GSG1L: variants seen among roughly 807,000 people sequenced by gnomAD.
GSG1L encodes GSG1 like.
In GSG1L, 24 loss-of-function variants were observed where a neutral mutation model predicts 42.1. That is an observed-to-expected ratio of 0.57 (90% CI 0.41 to 0.80). GSG1L has a LOEUF of 0.80. Among genes scored for constraint, GSG1L ranks in the 30% least tolerant of loss-of-function variants. The pLI is 0.00. For synonymous variants in GSG1L, 215 were observed against 203.5 expected, an observed-to-expected ratio of 1.06 and a Z score of -0.48; for missense variants, 445 against 472.2, an observed-to-expected ratio of 0.94 and a Z score of 0.53.
At chr16:27,998,232 T>A (rs994775446) in intron 1 of GSG1L, 15 of 152,308 alleles carry the variant, frequency 9.8e-5, no homozygotes, top group Admixed American at 7.2e-4. Flanking sequence ...TAGCTCCCAT[T>A]TATAAGTAAG....
intron 2 of GSG1L, among the ~76,000 whole-genome samples, chr16:27,946,606 AGAGAGAGAGAGAGAGAGAGAGAG>A (rs2084867919): frequency 3.6e-4 from 2 of 5,492 alleles, no homozygotes; most frequent in African/African-American, 1.7e-3. Flanking sequence ...AGAGAGAGAG[AGAGAGAGAGAGAGAGAGAGAGAG>A]AGAAAGAAAG....
chr16:27,904,218 T>C (rs2084293911), intron 2 of GSG1L, among the ~76,000 whole-genome samples: 1 of 151,510 alleles, frequency 6.6e-6, no homozygotes, highest in Non-Finnish European at 1.5e-5. Context: ...CACAGGCACA[T>C]ACCACCATGC....
intron 5 of GSG1L, among the ~76,000 whole-genome samples, 166 bp downstream of exon 5, chr16:27,828,623 T>A (rs1402077250): frequency 6.6e-6 from 1 of 152,196 alleles, no homozygotes. Context: ...TCCCAGAAAT[T>A]CTGACATAGT....
intron 2 of GSG1L, among the ~76,000 whole-genome samples, chr16:27,898,163 T>C (rs1203971797): frequency 6.6e-6 from 1 of 152,172 alleles, no homozygotes; most frequent in Non-Finnish European, 1.5e-5. Context: ...CTGTGAGATA[T>C]GTCACGGTGA....
intron 1 of GSG1L, among the ~76,000 whole-genome samples, chr16:28,046,914 T>C (rs2086167700): frequency 6.6e-6 from 1 of 152,188 alleles, no homozygotes; most frequent in African/African-American, 2.4e-5. Flanking sequence ...AGGGAAAAGT[T>C]TGCTTCTTTG....
chr16:27,963,234 G>A (rs2085091258), intron 1 of GSG1L, 31 bp from the exon 2 acceptor site: 1 of 1,607,510 alleles, frequency 6.2e-7, no homozygotes, highest in African/African-American at 1.3e-5. Context: ...TTTTCAGAAT[G>A]TGAGAGGACA....
chr16:27,897,348 G>A (rs192367398), intron 2 of GSG1L, among the ~76,000 whole-genome samples: 11 of 152,172 alleles, frequency 7.2e-5, no homozygotes, highest in Non-Finnish European at 1.5e-4. Flanking sequence ...ACCCAGGCTG[G>A]AGTGCAGTGG....
At position 27,946,616 on chromosome 16, in the gene GSG1L, AGAGAG is replaced by A. The variant is rs1567529958; in HGVS notation, c.397+16535_397+16539del. Among the ~76,000 whole-genome samples the A allele has an allele frequency of 2.3e-3, 41 of 17,992 alleles. 2 individuals are homozygous for A. The highest frequency in any genetic ancestry group is 7.8e-3 in the African/African-American group (40 of 5,116). 11.8% of individuals were successfully genotyped at this position (17,992 alleles called of 152,430 possible). On this transcript the variant is annotated intron_variant, in intron 2 of 6. Coordinates refer to ENST00000447459, the MANE Select transcript of GSG1L (RefSeq NM_001109763.2). Reference sequence around the variant, plus strand: ...GAGAGAGAGAGAGAGAGAGAGAGAGAGAGAGAGAGAGAGAGAAAGAAAGAAAGAAA... The same window carrying A: ...GAGAGAGAGAGAGAGAGAGAGAGAGAAGAGAGAGAGAAAGAAAGAAAGAAA...
intron 1 of GSG1L, among the ~76,000 whole-genome samples, chr16:27,963,646 G>A (rs1052884869): frequency 1.3e-5 from 2 of 152,168 alleles, no homozygotes. Flanking sequence ...CTTCCCAAAG[G>A]AGAAAGTTCA....
intron 3 of GSG1L, among the ~76,000 whole-genome samples, chr16:27,850,023 C>CTCTTT (rs757750717): frequency 1.4e-5 from 1 of 70,068 alleles, no homozygotes; most frequent in African/African-American, 6.5e-5. Context: ...TTTGAAATGC[C>CTCTTT]TTTTTTTTTT....
At chr16:27,971,855 A>C (rs2085197139) in intron 1 of GSG1L, among the ~76,000 whole-genome samples, 2 of 152,158 alleles carry the variant, frequency 1.3e-5, no homozygotes, top group South Asian at 4.1e-4. Context: ...TTTATCATGA[A>C]AGGATATTTG....
intron 2 of GSG1L, among the ~76,000 whole-genome samples, chr16:27,914,518 CTT>C (rs2141055890): frequency 6.8e-6 from 1 of 147,092 alleles, no homozygotes; most frequent in Non-Finnish European, 1.5e-5. Flanking sequence ...TTTCCTTTTT[CTT>C]TTCTTTTCTA....
intron 1 of GSG1L, among the ~76,000 whole-genome samples, chr16:27,980,355 A>G (rs1346608392): frequency 4.6e-5 from 7 of 152,172 alleles, no homozygotes; most frequent in Non-Finnish European, 8.8e-5. Context: ...ATACCCCACC[A>G]GATGGTGTTG....
At chr16:28,006,300 T>TTTAC in intron 1 of GSG1L, among the ~76,000 whole-genome samples, 1 of 95,524 alleles carries the variant, frequency 1.0e-5, no homozygotes, top group Non-Finnish European at 2.2e-5. Flanking sequence ...TTGTATTTTA[T>TTTAC]TTATTTATTT....
intron 1 of GSG1L, among the ~76,000 whole-genome samples, chr16:27,976,865 C>T (rs933233311): frequency 1.3e-5 from 2 of 152,208 alleles, no homozygotes; most frequent in African/African-American, 4.8e-5. Flanking sequence ...GTCTTGTTCA[C>T]CAACCACTCG....
intron 1 of GSG1L, among the ~76,000 whole-genome samples, chr16:28,050,326 G>A (rs944257117): frequency 2.6e-5 from 4 of 152,174 alleles, no homozygotes; most frequent in African/African-American, 9.7e-5. Flanking sequence ...GACTACAGGT[G>A]CACACCACCA....
chr16:28,055,149 T>C (rs563846261), intron 1 of GSG1L, among the ~76,000 whole-genome samples: 12 of 152,182 alleles, frequency 7.9e-5, no homozygotes, highest in Non-Finnish European at 1.3e-4. Flanking sequence ...GCAGCATTAT[T>C]CTATTTTTAT....
chr16:28,058,842 T>A (rs1282587321), intron 1 of GSG1L, among the ~76,000 whole-genome samples: 1 of 151,888 alleles, frequency 6.6e-6, no homozygotes, highest in Non-Finnish European at 1.5e-5. Flanking sequence ...AGAGCTGGGG[T>A]TCTCTGTTCA....
intron 3 of GSG1L, among the ~76,000 whole-genome samples, chr16:27,846,936 G>A (rs561459885): frequency 7.4e-6 from 1 of 135,502 alleles, no homozygotes; most frequent in Admixed American, 8.2e-5. Context: ...CAGCCTGGGT[G>A]ACAGAGGGAG....
Sources: allele counts gnomAD v4.1 joint callset (sites outside exome capture counted in the v4.1 genomes callset), GRCh38; gene constraint gnomAD v4.1.1; transcripts MANE v1.5; gene names NCBI Gene and HGNC (gene_info 2026-07-23, HGNC 2026-07-21).